Variants in SCAMP1 observed in about 807,000 individuals in gnomAD.
SCAMP1 encodes secretory carrier membrane protein 1.
A neutral mutation model predicts 41.8 loss-of-function variants in SCAMP1; 15 were observed. The ratio of observed to expected loss-of-function variants is 0.36; its 90% CI spans 0.24 to 0.55. The LOEUF is 0.55. Among genes scored for constraint, SCAMP1 ranks in the 20% least tolerant of loss-of-function variants. The probability of loss-of-function intolerance (pLI) is 0.86; values close to 1 mark genes in which losing one functional copy is unlikely to be tolerated. For synonymous variants in SCAMP1, 135 were observed against 136.8 expected, an observed-to-expected ratio of 0.99 and a Z score of 0.09; for missense variants, 341 against 412.6, an observed-to-expected ratio of 0.83 and a Z score of 1.50.
At chr5:78,456,534 G>C (rs541631310) in intron 7 of SCAMP1, among the ~76,000 whole-genome samples, 15 of 151,558 alleles carry the variant, frequency 9.9e-5, no homozygotes, top group African/African-American at 3.6e-4. Context: ...CTGGCTTGTA[G>C]GGTTTCTGCC....
intron 8 of SCAMP1, among the ~76,000 whole-genome samples, chr5:78,462,196 A>AGTGTGT (rs58331355): frequency 0.047 from 6,984 of 147,936 alleles, 196 homozygotes; most frequent in East Asian, 0.072. Context: ...TGTGTGTAGG[A>AGTGTGT]GTGTGTGTGT....
intron 6 of SCAMP1, among the ~76,000 whole-genome samples, chr5:78,426,963 C>T (rs1028476569): frequency 2.6e-5 from 4 of 152,150 alleles, no homozygotes; most frequent in African/African-American, 9.7e-5. Context: ...TATGCATTCA[C>T]CAGTTAATGG....
Position 78,422,043 on chromosome 5 carries a change from G to T in SCAMP1, c.632+83G>T, listed in dbSNP as rs1041096292. 3.5e-5 allele frequency: 42 copies of T among 1,186,608 alleles called. No individual in the cohort carries two copies. In the East Asian group the frequency reaches 9.3e-4, roughly 26 times the overall value. The allele number at this position is 1,186,608 out of a possible 1,614,324, so 73.5% of individuals were successfully genotyped here. On this transcript the variant is annotated intron_variant, in intron 6 of 8. Transcript: ENST00000621999. ...AGTATACATTAAAGGGAAAATTGATGCATTTTCATTAAAAAATTCTTGTAT... is the reference window on the plus strand; with the variant it reads ...AGTATACATTAAAGGGAAAATTGATTCATTTTCATTAAAAAATTCTTGTAT...
At chr5:78,361,018 G>A in intron 1 of SCAMP1, 1 of 375,610 alleles carries the variant, frequency 2.7e-6, no homozygotes, top group Non-Finnish European at 4.9e-6. Context: ...CGCCCGGAGG[G>A]GTCCTGGCCC....
chr5:78,419,727 A>G (rs1431992282), intron 5 of SCAMP1, among the ~76,000 whole-genome samples: 1 of 152,214 alleles, frequency 6.6e-6, no homozygotes, highest in Non-Finnish European at 1.5e-5. Flanking sequence ...TTTTTACTTT[A>G]TGATTAATGA....
intron 6 of SCAMP1, among the ~76,000 whole-genome samples, chr5:78,433,868 C>G (rs578227527): frequency 6.6e-6 from 1 of 152,234 alleles, no homozygotes; most frequent in South Asian, 2.1e-4. Context: ...CTCAGTGATC[C>G]TGCCCCACCA....
chr5:78,451,099 C>T (rs1238496799), intron 7 of SCAMP1, among the ~76,000 whole-genome samples: 1 of 151,968 alleles, frequency 6.6e-6, no homozygotes, highest in African/African-American at 2.4e-5. Flanking sequence ...TAATTTCTTT[C>T]GCTTTTTAGC....
chr5:78,370,195 T>G (rs531514596), intron 1 of SCAMP1, among the ~76,000 whole-genome samples: 2 of 152,230 alleles, frequency 1.3e-5, no homozygotes, highest in Non-Finnish European at 2.9e-5. Flanking sequence ...AACATTTTCT[T>G]GCCAAAAGGG....
intron 7 of SCAMP1, among the ~76,000 whole-genome samples, chr5:78,457,034 A>T (rs1234222751): frequency 7.9e-6 from 1 of 127,002 alleles, no homozygotes; most frequent in Non-Finnish European, 1.6e-5. Flanking sequence ...TTTCAGCTCC[A>T]TCAGCTCCTT....
intron 2 of SCAMP1, among the ~76,000 whole-genome samples, chr5:78,399,159 T>C (rs1751737595): frequency 1.3e-5 from 2 of 152,224 alleles, no homozygotes; most frequent in Non-Finnish European, 2.9e-5. Context: ...TCATTTCATT[T>C]TAATGCTGAA....
Position 78,479,284 on chromosome 5 carries a change from A to G in SCAMP1, c.*3616A>G, listed in dbSNP as rs1304913031. On this transcript the variant is annotated 3_prime_UTR_variant, in exon 9 of 9. Transcript: ENST00000621999. ...TTTAGAGATGAAATAAGATTGGTTA[A>G]TTTTAAAAAAATTGAGGATGGTTAA... 6.6e-6 allele frequency among the ~76,000 whole-genome samples: 1 copy of G among 151,760 alleles called. No individual in the cohort carries two copies. Among genetic ancestry groups the G allele is most frequent in the Admixed American group, 6.7e-5 (1 of 14,884 alleles).
chr5:78,453,047 G>C (rs1051596633), intron 7 of SCAMP1, among the ~76,000 whole-genome samples: 1 of 147,424 alleles, frequency 6.8e-6, no homozygotes, highest in Non-Finnish European at 1.5e-5. Flanking sequence ...TTTTTTTCTT[G>C]TAAATTTGTT....
At chr5:78,418,943 A>AT (rs1472668467) in intron 5 of SCAMP1, 40 bp downstream of exon 5, 5 of 1,516,244 alleles carry the variant, frequency 3.3e-6, no homozygotes, top group Non-Finnish European at 4.4e-6. Context: ...TAGAATTTGT[A>AT]TTTTTGTTGT....
At chr5:78,386,339 G>T (rs1751340872) in intron 1 of SCAMP1, among the ~76,000 whole-genome samples, 1 of 152,012 alleles carries the variant, frequency 6.6e-6, no homozygotes, top group South Asian at 2.1e-4. Flanking sequence ...TTAAGTTTAT[G>T]TGAGTACTTA....
intron 8 of SCAMP1, among the ~76,000 whole-genome samples, chr5:78,470,452 CATA>C (rs1023065930): frequency 6.6e-6 from 1 of 152,058 alleles, no homozygotes; most frequent in Non-Finnish European, 1.5e-5. Context: ...CTTTCATTAC[CATA>C]ATGTTTTCAA....
chr5:78,373,368 T>C (rs927032518), intron 1 of SCAMP1, among the ~76,000 whole-genome samples: 1 of 152,164 alleles, frequency 6.6e-6, no homozygotes, highest in Non-Finnish European at 1.5e-5. Flanking sequence ...ATTTTTGCAA[T>C]ATGCTACTTA....
rs75468378 is a variant in SCAMP1 at position 78,381,325 on chromosome 5, A to G, written c.58-7512A>G. The stretch of plus-strand genomic sequence containing the variant: ...ATTGCTAGGCTGACCCTGCTGGGAA[A>G]ACTATTCTAACTAGAGGAAGCAACG... On this transcript the variant is annotated intron_variant, in intron 1 of 8. Coordinates refer to ENST00000621999, the MANE Select transcript of SCAMP1 (RefSeq NM_004866.6). Among the ~76,000 whole-genome samples, 372 of 152,236 alleles carry G rather than the reference A, an allele frequency of 2.4e-3. 1 individual carries two copies. Among genetic ancestry groups the G allele is most frequent in the Admixed American group, 8.4e-3 (128 of 15,296 alleles).
At chr5:78,460,360 A>G (rs1391418834) in intron 8 of SCAMP1, among the ~76,000 whole-genome samples, 5 of 152,240 alleles carry the variant, frequency 3.3e-5, no homozygotes, top group Non-Finnish European at 7.3e-5. Flanking sequence ...GAACAAATTT[A>G]TATTCCCGTC....
At chr5:78,395,150 C>T (rs13178848) in intron 2 of SCAMP1, among the ~76,000 whole-genome samples, 1 of 152,292 alleles carries the variant, frequency 6.6e-6, no homozygotes. Flanking sequence ...TGACTTCAGA[C>T]TTTTTGTTTT....
Sources: allele counts gnomAD v4.1 joint callset (sites outside exome capture counted in the v4.1 genomes callset), GRCh38; gene constraint gnomAD v4.1.1; transcripts MANE v1.5; gene names NCBI Gene and HGNC (gene_info 2026-07-23, HGNC 2026-07-21).